Variants in CACNA2D1 observed in about 807,000 individuals in gnomAD.
CACNA2D1 encodes the protein calcium voltage-gated channel auxiliary subunit alpha2delta 1.
CACNA2D1 carries 53 observed loss-of-function variants against 171.5 expected under a neutral mutation model. The observed-to-expected ratio is 0.31, with a 90% CI of 0.25 to 0.39. The LOEUF is 0.39. Among genes scored for constraint, CACNA2D1 ranks in the 10% least tolerant of loss-of-function variants. The pLI, the probability that CACNA2D1 is intolerant of heterozygous loss-of-function variation, is 1.00. For synonymous variants in CACNA2D1, 442 were observed against 443.1 expected, an observed-to-expected ratio of 1.00 and a Z score of 0.03; for missense variants, 903 against 1,299.8, an observed-to-expected ratio of 0.69 and a Z score of 4.69.
chr7:82,281,966 A>G (rs1391033479), intron 3 of CACNA2D1, among the ~76,000 whole-genome samples: 1 of 152,124 alleles, frequency 6.6e-6, no homozygotes, highest in Non-Finnish European at 1.5e-5. Context: ...AGAAAAAAAG[A>G]AAAAAGAAAG....
At chr7:82,337,193 TAA>T (rs572598358) in intron 2 of CACNA2D1, among the ~76,000 whole-genome samples, 1 of 152,224 alleles carries the variant, frequency 6.6e-6, no homozygotes, top group Admixed American at 6.5e-5. Context: ...TGAAATAAAT[TAA>T]GTCAAGAAGT....
chr7:82,297,547 A>T (rs1312748832), intron 3 of CACNA2D1, among the ~76,000 whole-genome samples: 1 of 152,198 alleles, frequency 6.6e-6, no homozygotes, highest in Non-Finnish European at 1.5e-5. Context: ...TTCAAAAAAA[A>T]TTTTTGTAAA....
chr7:82,130,722 T>C (rs1377121647), intron 5 of CACNA2D1, among the ~76,000 whole-genome samples: 1 of 151,554 alleles, frequency 6.6e-6, no homozygotes, highest in Non-Finnish European at 1.5e-5. Flanking sequence ...CTTTTAGTTA[T>C]ACCCAGGAGG....
intron 3 of CACNA2D1, among the ~76,000 whole-genome samples, chr7:82,176,497 T>C (rs1431047441): frequency 6.6e-6 from 1 of 151,958 alleles, no homozygotes; most frequent in Non-Finnish European, 1.5e-5. Flanking sequence ...TTACAGATTG[T>C]TAAAAATGTT....
intron 1 of CACNA2D1, among the ~76,000 whole-genome samples, chr7:82,382,458 AC>A (rs1823816577): frequency 6.6e-6 from 1 of 152,120 alleles, no homozygotes; most frequent in Non-Finnish European, 1.5e-5. Flanking sequence ...TGTCCCATTC[AC>A]TTCTGACCTG....
intron 3 of CACNA2D1, among the ~76,000 whole-genome samples, chr7:82,312,226 G>A (rs546712004): frequency 8.5e-5 from 13 of 152,142 alleles, no homozygotes; most frequent in African/African-American, 3.1e-4. Context: ...CTAGTTTCCA[G>A]CTCACTGAAA....
chr7:82,062,229 G>A (rs765469942), intron 9 of CACNA2D1, among the ~76,000 whole-genome samples: 3 of 152,112 alleles, frequency 2.0e-5, no homozygotes, highest in Non-Finnish European at 2.9e-5. Context: ...AAACAAGATA[G>A]AGGCAACCAT....
intron 3 of CACNA2D1, among the ~76,000 whole-genome samples, chr7:82,333,929 C>T (rs1404454992): frequency 6.6e-6 from 1 of 151,912 alleles, no homozygotes; most frequent in African/African-American, 2.4e-5. Flanking sequence ...AAAGAAAACA[C>T]TCTACAATAC....
chr7:82,345,814 A>G (rs952026708), intron 2 of CACNA2D1, among the ~76,000 whole-genome samples: 1 of 151,956 alleles, frequency 6.6e-6, no homozygotes, highest in Admixed American at 6.6e-5. Context: ...TTTCTGTCTA[A>G]AATGTTTTAA....
intron 20 of CACNA2D1, among the ~76,000 whole-genome samples, chr7:81,993,289 T>G (rs557152453): frequency 6.6e-6 from 1 of 152,286 alleles, no homozygotes; most frequent in South Asian, 2.1e-4. Context: ...GTGAGGAATT[T>G]CAAATTACTT....
chr7:82,410,460 G>C (rs1827524143), intron 1 of CACNA2D1: 3 of 970,678 alleles, frequency 3.1e-6, no homozygotes, highest in African/African-American at 1.8e-5. Context: ...TTAGCCTTAA[G>C]AAAAAACTAA....
At chr7:81,970,534 T>C in intron 27 of CACNA2D1, 141 bp downstream of exon 27, 1 of 669,538 alleles carries the variant, frequency 1.5e-6, no homozygotes, top group African/African-American at 1.8e-5. Context: ...TTTAATAATG[T>C]AAATACTGTA....
At chr7:82,328,149 T>G (rs1816876455) in intron 3 of CACNA2D1, among the ~76,000 whole-genome samples, 1 of 152,130 alleles carries the variant, frequency 6.6e-6, no homozygotes, top group African/African-American at 2.4e-5. Context: ...TCCAAATAAA[T>G]AAAAGTAATC....
chr7:82,213,677 T>A (rs949048967), intron 3 of CACNA2D1, among the ~76,000 whole-genome samples: 1 of 152,236 alleles, frequency 6.6e-6, no homozygotes, highest in African/African-American at 2.4e-5. Flanking sequence ...TTTAATTTTC[T>A]GACCATTGTT....
chr7:82,212,183 T>G (rs1800627581), intron 3 of CACNA2D1, among the ~76,000 whole-genome samples: 1 of 152,198 alleles, frequency 6.6e-6, no homozygotes, highest in Non-Finnish European at 1.5e-5. Flanking sequence ...TCTATCATCT[T>G]GATCCAAATG....
At chr7:82,438,756 G>C (rs1830285535) in intron 1 of CACNA2D1, among the ~76,000 whole-genome samples, 1 of 152,168 alleles carries the variant, frequency 6.6e-6, no homozygotes, top group Non-Finnish European at 1.5e-5. Context: ...TAAGCCTTAA[G>C]TAAATGTGGA....
At chr7:82,124,437 A>G (rs1790097334) in intron 5 of CACNA2D1, among the ~76,000 whole-genome samples, 1 of 152,090 alleles carries the variant, frequency 6.6e-6, no homozygotes, top group Admixed American at 6.6e-5. Flanking sequence ...TTGTAACTTC[A>G]CTTCAGCATC....
chr7:82,049,001 C>T lies in CACNA2D1; in HGVS notation c.880-10766G>A, dbSNP rs372368939. Among the ~76,000 whole-genome samples, 5 of 151,716 alleles carry T rather than the reference C, an allele frequency of 3.3e-5. No individual in the cohort carries two copies. In the East Asian group the frequency reaches 5.8e-4, roughly 18 times the overall value. ...TCCTTTTTACATATACGACGAATTT[C>T]TAAGTGCCAAAAACTTAGTGTACCA... is the stretch of plus-strand genomic sequence containing the variant. On this transcript the variant is annotated intron_variant, in intron 10 of 38. Transcript: ENST00000356860.
At chr7:82,326,768 A>C (rs1284130110) in intron 3 of CACNA2D1, among the ~76,000 whole-genome samples, 1 of 145,282 alleles carries the variant, frequency 6.9e-6, no homozygotes, top group East Asian at 2.0e-4. Flanking sequence ...TATCCACATA[A>C]AAATGTCTAC....
Sources: allele counts gnomAD v4.1 joint callset (sites outside exome capture counted in the v4.1 genomes callset), GRCh38; gene constraint gnomAD v4.1.1; transcripts MANE v1.5; gene names NCBI Gene and HGNC (gene_info 2026-07-23, HGNC 2026-07-21).